Variants in PARD3 observed in about 807,000 individuals in gnomAD.
PARD3 encodes the protein partitioning defective 3 homolog.
PARD3 carries 75 observed loss-of-function variants against 155.4 expected under a neutral mutation model. The observed-to-expected ratio is 0.48, with a 90% CI of 0.40 to 0.58. The LOEUF is 0.58. Ranked by LOEUF, PARD3 falls within the 20% of genes least tolerant of loss-of-function variation. The pLI is 0.00. For synonymous variants in PARD3, 576 were observed against 610.5 expected (o/e 0.94, Z 0.83); for missense variants, 1,642 against 1,721.7 (o/e 0.95, Z 0.82).
At chr10:34,707,679 C>T (rs1486903414) in intron 1 of PARD3, among the ~76,000 whole-genome samples, 2 of 152,326 alleles carry the variant, frequency 1.3e-5, no homozygotes, top group East Asian at 3.9e-4. Context: ...GCTATTACAT[C>T]TTTAAAATGG....
intron 2 of PARD3, among the ~76,000 whole-genome samples, chr10:34,649,568 A>G (rs1372736190): frequency 1.3e-5 from 2 of 152,284 alleles, no homozygotes; most frequent in Non-Finnish European, 1.5e-5. Flanking sequence ...GGCACTCACC[A>G]TGAATGGAGC....
At chr10:34,612,522 G>C (rs2090984846) in intron 2 of PARD3, among the ~76,000 whole-genome samples, 1 of 152,220 alleles carries the variant, frequency 6.6e-6, no homozygotes, top group Admixed American at 6.5e-5. Context: ...AATCGTGTGA[G>C]AGGCACAATG....
intron 22 of PARD3, among the ~76,000 whole-genome samples, chr10:34,145,654 T>C (rs1181781926): frequency 6.6e-6 from 1 of 152,184 alleles, no homozygotes; most frequent in Non-Finnish European, 1.5e-5. Context: ...TCATCTTTGA[T>C]GGTTTTAACA....
In PARD3 at chr10:34,382,892, A is replaced by G; in HGVS notation, c.1047T>C (p.Arg349=). ...CCACATGGAACCAAATGATGGGTGTACGCATGGCTTGGCGAAACATATGTT... is the reference window on the plus strand; with the variant it reads ...CCACATGGAACCAAATGATGGGTGTGCGCATGGCTTGGCGAAACATATGTT... ...QAQHMFRQAM[R]TPIIWFHVVP... Residue 349 remains arginine (R), a synonymous_variant, in exon 9 of 25, where the codon CGT becomes CGC. Coordinates refer to ENST00000374788, the MANE Select transcript of PARD3 (RefSeq NM_001184785.2). The G allele has an allele frequency of 3.7e-6, 6 of 1,614,160 alleles. No homozygotes were observed. Among genetic ancestry groups the G allele is most frequent in the Non-Finnish European group, 5.1e-6 (6 of 1,180,010 alleles).
Position 34,360,078 on chromosome 10 carries a change from G to A in PARD3, c.1889C>T (p.Ala630Val), listed in dbSNP as rs1479612015. Residue 630 changes from alanine to valine, a missense_variant, in exon 13 of 25, where the codon GCA becomes GTA. Physicochemically the swap from Ala to Val is moderately conservative, Grantham distance 64. Transcript: ENST00000374788. ...GATAAAGTTGACACTCACTTTAGATGCTGCTCCTCCATTAATAATGGACTT... is the reference window on the plus strand; with the variant it reads ...GATAAAGTTGACACTCACTTTAGATACTGCTCCTCCATTAATAATGGACTT... ...FVKSIINGGA[A>V]SKDGRLRVND... The A allele has an allele frequency of 3.1e-6, 5 of 1,612,744 alleles. No individual in the cohort carries two copies. Among genetic ancestry groups the A allele is most frequent in the Non-Finnish European group, 4.2e-6 (5 of 1,178,930 alleles).
At chr10:34,154,691 C>T (rs552008652) in intron 22 of PARD3, among the ~76,000 whole-genome samples, 14 of 152,208 alleles carry the variant, frequency 9.2e-5, no homozygotes, top group African/African-American at 3.1e-4. Context: ...TCTCACGTTT[C>T]GAGAGAGAGA....
At chr10:34,344,840 A>C in intron 15 of PARD3, 1 of 985,432 alleles carries the variant, frequency 1.0e-6, no homozygotes, top group African/African-American at 1.7e-5. Flanking sequence ...ATGATAAAGA[A>C]AAACATGCAT....
At chr10:34,330,921 C>A (rs1324260152) in intron 19 of PARD3, among the ~76,000 whole-genome samples, 196 bp downstream of exon 19, 1 of 151,986 alleles carries the variant, frequency 6.6e-6, no homozygotes, top group Non-Finnish European at 1.5e-5. Flanking sequence ...CTCCAAAAAA[C>A]CCCAGTGTAT....
chr10:34,201,698 T>C (rs1028275900), intron 22 of PARD3, among the ~76,000 whole-genome samples: 1 of 152,206 alleles, frequency 6.6e-6, no homozygotes, highest in Non-Finnish European at 1.5e-5. Context: ...AAAAAGCAAC[T>C]CTAGGGTATG....
At chr10:34,700,606 T>C (rs1339927801) in intron 1 of PARD3, among the ~76,000 whole-genome samples, 1 of 151,990 alleles carries the variant, frequency 6.6e-6, no homozygotes, top group Non-Finnish European at 1.5e-5. Flanking sequence ...AAAAAAAAAT[T>C]TGAGTATTTA....
chr10:34,326,081 T>G lies in PARD3; in HGVS notation c.2833+5036A>C, dbSNP rs529070746. 4.6e-5 allele frequency among the ~76,000 whole-genome samples: 7 copies of G among 150,688 alleles called. No homozygotes were observed. In the South Asian group the frequency reaches 1.5e-3, roughly 32 times the overall value. On this transcript the variant is annotated intron_variant, in intron 19 of 24. Transcript: ENST00000374788. ...GTTGGAGGTTGCAATGAGCCAAGAT[T>G]GTGCCACTGCACTCCAGCCTGGGCT...
chr10:34,193,466 A>G (rs1165438819), intron 22 of PARD3, among the ~76,000 whole-genome samples: 2 of 152,162 alleles, frequency 1.3e-5, no homozygotes, highest in African/African-American at 4.8e-5. Context: ...CCTGCAAGTT[A>G]ATAACAATGA....
chr10:34,600,962 A>ATTTTTTTTT (rs1028271994), intron 2 of PARD3, among the ~76,000 whole-genome samples: 10 of 90,098 alleles, frequency 1.1e-4, no homozygotes, highest in Non-Finnish European at 1.9e-4. Context: ...CATTTTTTTA[A>ATTTTTTTTT]TTTTTTTTTT....
At chr10:34,711,935 G>C (rs1215824492) in intron 1 of PARD3, among the ~76,000 whole-genome samples, 1 of 152,116 alleles carries the variant, frequency 6.6e-6, no homozygotes, top group African/African-American at 2.4e-5. Flanking sequence ...TGTGGGGAAA[G>C]AAGACATCCA....
chr10:34,769,298 G>A (rs931688643), intron 1 of PARD3, among the ~76,000 whole-genome samples: 1 of 152,138 alleles, frequency 6.6e-6, no homozygotes, highest in African/African-American at 2.4e-5. Flanking sequence ...TCAGTCACAA[G>A]CTTATCTGCC....
intron 22 of PARD3, among the ~76,000 whole-genome samples, chr10:34,135,149 A>G (rs1285771393): frequency 6.9e-6 from 1 of 145,400 alleles, no homozygotes; most frequent in Non-Finnish European, 1.5e-5. Flanking sequence ...CCTAATTTAC[A>G]GATAGTCCAC....
At chr10:34,665,605 C>T (rs1422700975) in intron 2 of PARD3, among the ~76,000 whole-genome samples, 2 of 151,974 alleles carry the variant, frequency 1.3e-5, no homozygotes, top group African/African-American at 4.8e-5. Flanking sequence ...TTTGGGATGG[C>T]GAGGCAGGCG....
At chr10:34,168,878 C>T (rs1288993839) in intron 22 of PARD3, among the ~76,000 whole-genome samples, 2 of 152,194 alleles carry the variant, frequency 1.3e-5, no homozygotes, top group Non-Finnish European at 2.9e-5. Context: ...ACTGATGTTC[C>T]TGCTTCCTAA....
At chr10:34,763,710 G>C (rs923148907) in intron 1 of PARD3, among the ~76,000 whole-genome samples, 4 of 151,996 alleles carry the variant, frequency 2.6e-5, no homozygotes, top group Non-Finnish European at 5.9e-5. Flanking sequence ...TCTAGCCCAC[G>C]GCCACCTGGG....
Sources: allele counts gnomAD v4.1 joint callset (sites outside exome capture counted in the v4.1 genomes callset), GRCh38; gene constraint gnomAD v4.1.1; transcripts MANE v1.5; gene names NCBI Gene and HGNC (gene_info 2026-07-23, HGNC 2026-07-21).